Variants in SIGLEC12 observed in about 807,000 individuals in gnomAD.
SIGLEC12 encodes sialic acid binding Ig like lectin 12, also known as sialic acid-binding Ig-like lectin 12.
SIGLEC12 carries 43 observed loss-of-function variants against 54.1 expected under a neutral mutation model. The ratio of observed to expected loss-of-function variants is 0.80; its 90% confidence interval spans 0.62 to 1.03. The LOEUF (loss-of-function observed/expected upper bound fraction) is 1.03, where lower values mean the gene tolerates loss of function less well. SIGLEC12 is among the 50% of genes least tolerant of loss of function. The pLI is 0.00. For missense variants in SIGLEC12, 802 were observed against 735.2 expected (o/e 1.09, Z -1.05); for synonymous variants, 357 against 307.6 (o/e 1.16, Z -1.68).
chr19:51,492,810 A>G (rs918503949), intron 7 of SIGLEC12, among the ~76,000 whole-genome samples: 2 of 152,228 alleles, frequency 1.3e-5, no homozygotes, highest in African/African-American at 4.8e-5. Flanking sequence ...CCTGCCTGCC[A>G]ATGCCTTGAT....
intron 1 of SIGLEC12, among the ~76,000 whole-genome samples, chr19:51,501,002 C>T (rs965441562): frequency 1.3e-5 from 2 of 152,104 alleles, no homozygotes; most frequent in African/African-American, 4.8e-5. Flanking sequence ...TGGGATGGTG[C>T]TAAACCCCGG....
intron 1 of SIGLEC12, 64 bp from the exon 2 acceptor site, chr19:51,500,364 G>T: frequency 6.2e-7 from 1 of 1,613,332 alleles, no homozygotes; most frequent in Non-Finnish European, 8.5e-7. Context: ...CATAGCAGGG[G>T]CAGCAGCATC....
chr19:51,491,792 G>T lies in SIGLEC12; in HGVS notation c.1637C>A (p.Pro546Gln), dbSNP rs57043266. Residue 546 changes from proline (P) to glutamine (Q), a missense_variant, in exon 8 of 8, where the codon CCA becomes CAA. Physicochemically the swap from Pro to Gln is moderately conservative, Grantham distance 76. Coordinates refer to ENST00000291707, the MANE Select transcript of SIGLEC12 (RefSeq NM_053003.4). ...GGCCAGGGCTGGCGGAGCATGGTGT[G>T]GGGGGCTGTCATCTGCCGGGGATTC... Reference protein sequence around the residue: ...LIESPADDSPPHHAPPALATP... With the variant: ...LIESPADDSPQHHAPPALATP... 159,270 of 1,597,632 alleles carry T rather than the reference G, an allele frequency of 0.1. 8,710 individuals carry two copies. The highest frequency in any genetic ancestry group is 0.14 in the African/African-American group (10,256 of 74,442).
intron 1 of SIGLEC12, 80 bp from the exon 2 acceptor site, chr19:51,500,380 G>A (rs1990364990): frequency 8.1e-6 from 13 of 1,610,458 alleles, no homozygotes; most frequent in East Asian, 2.2e-5. Flanking sequence ...GCATCTCTGA[G>A]GCAGAGGCTT....
At chr19:51,498,825 T>A (rs1254529443) in intron 4 of SIGLEC12, among the ~76,000 whole-genome samples, 2 of 152,224 alleles carry the variant, frequency 1.3e-5, no homozygotes, top group Non-Finnish European at 2.9e-5. Flanking sequence ...TTTGCCCATG[T>A]GACTATAGTA....
chr19:51,499,318 C>T (rs1002367226), intron 3 of SIGLEC12, 101 bp from the exon 4 acceptor site: 8 of 1,572,028 alleles, frequency 5.1e-6, no homozygotes, highest in South Asian at 2.3e-5. Context: ...AGCCAGCATC[C>T]TCCTGACCCC....
rs1990100623 is a variant in SIGLEC12, at chr19:51,491,583, G to C, written c.*58C>G. 6.6e-7 allele frequency: 1 copy of C among 1,525,404 alleles called. No individual in the cohort carries two copies. Among genetic ancestry groups the C allele is most frequent in the Non-Finnish European group, 9.1e-7 (1 of 1,102,156 alleles). The allele number at this position is 1,525,404 out of a possible 1,614,324, so 94.5% of individuals were successfully genotyped here. On this transcript the variant is annotated 3_prime_UTR_variant, in exon 8 of 8. Coordinates refer to ENST00000291707, the MANE Select transcript of SIGLEC12 (RefSeq NM_053003.4). ...TGTTAATTCTAAAGGAATCAGTCTC[G>C]GGCTTCTTTGCTGCAGGGGTCGTGA...
chr19:51,493,722 A>G (rs929419750), intron 7 of SIGLEC12, among the ~76,000 whole-genome samples: 1 of 152,172 alleles, frequency 6.6e-6, no homozygotes, highest in African/African-American at 2.4e-5. Flanking sequence ...GAATTTACCC[A>G]TAAGACAGCC....
intron 7 of SIGLEC12, among the ~76,000 whole-genome samples, chr19:51,495,080 G>A (rs73051325): frequency 7.3e-5 from 11 of 150,906 alleles, no homozygotes; most frequent in Non-Finnish European, 1.5e-5. Flanking sequence ...TAATAAAGTT[G>A]AGGTGGTAAA....
intron 2 of SIGLEC12, 33 bp downstream of exon 2, chr19:51,499,887 C>T: frequency 6.3e-7 from 1 of 1,579,428 alleles, no homozygotes; most frequent in Non-Finnish European, 8.6e-7. Flanking sequence ...CTCGGGCCTT[C>T]CCCTCTGGCT....
At chr19:51,492,775 C>T (rs1467338543) in intron 7 of SIGLEC12, among the ~76,000 whole-genome samples, 3 of 152,174 alleles carry the variant, frequency 2.0e-5, no homozygotes, top group Non-Finnish European at 4.4e-5. Context: ...CGCATCCTCC[C>T]CTGGATCTTC....
At chr19:51,500,422 A>T in intron 1 of SIGLEC12, 122 bp from the exon 2 acceptor site, 1 of 1,553,998 alleles carries the variant, frequency 6.4e-7, no homozygotes, top group East Asian at 2.4e-5. Context: ...GAGAAGGGGG[A>T]GGGAGAGGAG....
Position 51,501,488 on chromosome 19 carries a change from A to G in SIGLEC12, c.246T>C (p.Ala82=). The G allele has an allele frequency of 6.2e-7, 1 of 1,613,672 alleles. No individual in the cohort carries two copies. Among genetic ancestry groups the G allele is most frequent in the Non-Finnish European group, 8.5e-7 (1 of 1,179,860 alleles). Residue 82 remains alanine (A), a synonymous_variant, in exon 1 of 8, where the codon GCT becomes GCC. Transcript: ENST00000291707. The part of the protein sequence containing the change: ...RNIPVATNNP[A]RAVQEETRDR... ...CCCGAGTCTCCTCCTGCACTGCTCG[A>G]GCTGGGTTGTTTGTGGCCACTGGAA...
chr19:51,500,151 C>A lies in SIGLEC12; in HGVS notation c.577G>T (p.Glu193Ter), dbSNP rs776024352. ...SSPVYGSWFK[E>*]GADIPWDIPV... ...ATATCCCATGGTATATCGGCCCCTT[C>A]CTTGAACCAGGATCCATAAACAGGG... The change falls in exon 2 of 8, where the codon GAA (glutamate) becomes TAA (stop). Residue 193 changes from glutamate to a stop codon, truncating the protein, a stop_gained. Transcript: ENST00000291707. LOFTEE classifies it high-confidence loss of function. 6.2e-7 allele frequency: 1 copy of A among 1,614,156 alleles called. No homozygotes were observed. Among genetic ancestry groups the A allele is most frequent in the Admixed American group, 1.7e-5 (1 of 60,030 alleles).
chr19:51,495,395 G>T (rs1599951556), intron 7 of SIGLEC12, among the ~76,000 whole-genome samples: 1 of 110,284 alleles, frequency 9.1e-6, no homozygotes, highest in Non-Finnish European at 1.9e-5. Flanking sequence ...ATGGATGGAT[G>T]GATGGGTGGG....
chr19:51,492,458 T>C (rs1037130512), intron 7 of SIGLEC12, among the ~76,000 whole-genome samples: 1 of 152,066 alleles, frequency 6.6e-6, no homozygotes, highest in African/African-American at 2.4e-5. Flanking sequence ...ATAAATTATA[T>C]CCCTCTTATA....
chr19:51,495,413 G>GGGGA (rs1990216485), intron 7 of SIGLEC12, among the ~76,000 whole-genome samples: 1 of 41,520 alleles, frequency 2.4e-5, no homozygotes, highest in Non-Finnish European at 4.9e-5. Context: ...GGGTGGGTGG[G>GGGGA]TGGATGGATG....
chr19:51,499,272 C>T (rs774857515), intron 3 of SIGLEC12, 55 bp from the exon 4 acceptor site: 671 of 1,604,654 alleles, frequency 4.2e-4, no homozygotes, highest in Non-Finnish European at 5.4e-4. Context: ...GACACTGACC[C>T]TGTCTCCCCA....
At position 51,501,483 on chromosome 19, in the gene SIGLEC12, G is replaced by A; in HGVS notation, c.251C>T (p.Ala84Val). 6.2e-7 allele frequency: 1 copy of A among 1,613,946 alleles called. No homozygotes were observed. ...TCGGTCCCGAGTCTCCTCCTGCACT[G>A]CTCGAGCTGGGTTGTTTGTGGCCAC... ...IPVATNNPAR[A>V]VQEETRDRFH... The change falls in exon 1 of 8, where the codon GCA becomes GTA. Residue 84 changes from alanine to valine, a missense_variant. Physicochemically the swap from Ala to Val is moderately conservative, Grantham distance 64. Transcript: ENST00000291707.
Sources: gnomAD v4.1 joint callset for allele counts (sites outside exome capture counted in the v4.1 genomes callset) on GRCh38, gnomAD v4.1.1 for gene constraint, MANE v1.5 for transcripts, NCBI Gene and HGNC (gene_info 2026-07-23, HGNC 2026-07-21) for gene names.